The following ARHGAP39 variants were observed in gnomAD, a reference collection of about 807,000 sequenced individuals.
The protein encoded by ARHGAP39 is rho GTPase-activating protein 39.
A neutral mutation model predicts 106.9 loss-of-function variants in ARHGAP39; 44 were observed. The observed-to-expected ratio is 0.41, with a 90% CI of 0.32 to 0.53. The LOEUF (loss-of-function observed/expected upper bound fraction) is 0.53, where lower values mean the gene tolerates loss of function less well. ARHGAP39 is among the 20% of genes least tolerant of loss of function. The probability of loss-of-function intolerance (pLI) is 0.21; values close to 1 mark genes in which losing one functional copy is unlikely to be tolerated. For synonymous variants in ARHGAP39, 768 were observed against 693.2 expected (o/e 1.11, Z -1.69); for missense variants, 1,496 against 1,577.3 (o/e 0.95, Z 0.87).
At chr8:144,672,176 A>G (rs1822117635) in intron 1 of ARHGAP39, among the ~76,000 whole-genome samples, 1 of 152,248 alleles carries the variant, frequency 6.6e-6, no homozygotes. Flanking sequence ...AACAGCACCT[A>G]GAGTTTCAGA....
At chr8:144,654,972 C>T (rs1485978974) in intron 1 of ARHGAP39, among the ~76,000 whole-genome samples, 1 of 152,202 alleles carries the variant, frequency 6.6e-6, no homozygotes, top group Admixed American at 6.5e-5. Flanking sequence ...CATCCCTGCA[C>T]TCTTGGGGGC....
At chr8:144,574,137 G>A (rs1379789201) in intron 3 of ARHGAP39, among the ~76,000 whole-genome samples, 2 of 130,068 alleles carry the variant, frequency 1.5e-5, no homozygotes, top group East Asian at 4.3e-4. Flanking sequence ...CTGTACTGCA[G>A]CCTGGGTGAC....
intron 1 of ARHGAP39, among the ~76,000 whole-genome samples, chr8:144,615,029 C>T (rs533931735): frequency 8.7e-4 from 132 of 152,348 alleles, no homozygotes; most frequent in Middle Eastern, 3.4e-3. Flanking sequence ...TCACCCCTTA[C>T]GAGTCTGGAT....
intron 1 of ARHGAP39, among the ~76,000 whole-genome samples, chr8:144,649,638 C>T (rs1821528394): frequency 6.6e-6 from 1 of 151,866 alleles, no homozygotes; most frequent in African/African-American, 2.4e-5. Context: ...GGTGTGGTGG[C>T]ACACGCCTGT....
upstream of ARHGAP39, among the ~76,000 whole-genome samples, chr8:144,688,164 C>T (rs1471776777): frequency 1.3e-5 from 2 of 149,264 alleles, no homozygotes; most frequent in South Asian, 2.1e-4. Context: ...AGTACAGTGG[C>T]GCCATCTTGG....
At chr8:144,599,213 T>A (rs746931860) in intron 2 of ARHGAP39, among the ~76,000 whole-genome samples, 9 of 152,184 alleles carry the variant, frequency 5.9e-5, no homozygotes, top group Non-Finnish European at 1.2e-4. Context: ...CCCAGAATTA[T>A]ACAAGCAGAC....
rs976964784 is a variant in ARHGAP39 at position 144,684,526 on chromosome 8, G to C, written c.-82+1160C>G. Among the ~76,000 whole-genome samples, 6 of 152,360 alleles carry C rather than the reference G, an allele frequency of 3.9e-5. No individual in the cohort carries two copies. Among genetic ancestry groups the C allele is most frequent in the African/African-American group, 1.2e-4 (5 of 41,590 alleles). Reference sequence around the variant, plus strand: ...TGGTTAAACCCGTACAGCACTGAGGGGGAGGGGGCCCGGCTGCGTTTCCGA... The same window carrying C: ...TGGTTAAACCCGTACAGCACTGAGGCGGAGGGGGCCCGGCTGCGTTTCCGA... On this transcript the variant is annotated intron_variant, in intron 1 of 11. Transcript: ENST00000377307. The surrounding 1 kb of genome is among the most constrained non-coding windows in gnomAD (Gnocchi z 4.4).
Position 144,545,378 on chromosome 8 carries a change from G to T in ARHGAP39, c.2392C>A (p.Leu798Met). The T allele has an allele frequency of 6.2e-7, 1 of 1,600,434 alleles. No individual in the cohort carries two copies. ...LCRQTTENFR[L>M]ESLARGWELM... ...TCCCAGCCGCGGGCCAGGCTCTCCA[G>T]GCGGAAGTTCTCGGTGGTCTGCCGG... Residue 798 changes from leucine (L) to methionine (M), a missense_variant, in exon 6 of 12, where the codon CTG (leucine) becomes ATG (methionine). Around this residue, in one of 4 missense-constraint regions of ARHGAP39, gnomAD observed 470 missense variants for 605.1 expected, o/e 0.78. Transcript: ENST00000377307.
At chr8:144,606,877 G>T (rs2037631041) in intron 1 of ARHGAP39, among the ~76,000 whole-genome samples, 1 of 151,850 alleles carries the variant, frequency 6.6e-6, no homozygotes, top group South Asian at 2.1e-4. Context: ...AATCCTTGTG[G>T]CCTTACAGTA....
rs1014361733 is a variant in ARHGAP39, at chr8:144,645,653, A to G, written c.-81-39958T>C. On this transcript the variant is annotated intron_variant, in intron 1 of 11. Coordinates refer to ENST00000377307, the MANE Select transcript of ARHGAP39 (RefSeq NM_025251.3). The surrounding 1 kb of genome is among the most constrained non-coding windows in gnomAD (Gnocchi z 4.4). The stretch of plus-strand genomic sequence containing the variant: ...ACGTGTTAGGAATGAAAGACATGAC[A>G]TGTAAAGTGCAAACATGAGGGATTC... Among the ~76,000 whole-genome samples, 1 of 152,256 alleles carries G rather than the reference A, an allele frequency of 6.6e-6. No individual in the cohort carries two copies. Among genetic ancestry groups the G allele is most frequent in the Non-Finnish European group, 1.5e-5 (1 of 68,040 alleles).
At position 144,562,386 on chromosome 8, in the gene ARHGAP39, G is replaced by A. The variant is rs1377713740; in HGVS notation, c.513-6743C>T. Among the ~76,000 whole-genome samples, 353 of 127,366 alleles carry A rather than the reference G, an allele frequency of 2.8e-3. 9 individuals are homozygous for A. The highest frequency in any genetic ancestry group is 9.8e-3 in the African/African-American group (319 of 32,412). The allele number at this position is 127,366 out of a possible 152,430, so 83.6% of individuals were successfully genotyped here. A position where few individuals can be genotyped will look rare whatever the true frequency, so the allele number is the denominator to read the frequency against. On this transcript the variant is annotated intron_variant, in intron 3 of 11. Transcript: ENST00000377307. Reference sequence around the variant, plus strand: ...ATCGGACCCCAGTGGTTTCCATCGCGCTCCAGTGGTTTCCATCGCGCTCCA... The same window carrying A: ...ATCGGACCCCAGTGGTTTCCATCGCACTCCAGTGGTTTCCATCGCGCTCCA...
At chr8:144,608,942 C>G (rs907351991) in intron 1 of ARHGAP39, among the ~76,000 whole-genome samples, 1 of 152,096 alleles carries the variant, frequency 6.6e-6, no homozygotes, top group Non-Finnish European at 1.5e-5. Context: ...CTTATTAGTT[C>G]TAATTGTTTT....
rs867665992 is a variant in ARHGAP39 at position 144,533,204 on chromosome 8, C to A, written c.2810G>T (p.Arg937Leu). The stretch of plus-strand genomic sequence containing the variant: ...CCGTGTCTGCACCCAGGGCAGCTGG[C>A]GCTCGGGGTAGCGCTCTCTCTGCAT... ...MGMQRERYPE[R>L]QLPWVQTRLS... Residue 937 changes from arginine (R) to leucine (L), a missense_variant, in exon 9 of 12, where the codon CGC becomes CTC. Transcript: ENST00000377307. 6.2e-7 allele frequency: 1 copy of A among 1,612,618 alleles called. No individual in the cohort carries two copies. The highest frequency in any genetic ancestry group is 1.7e-5 in the Admixed American group (1 of 60,028).
intron 3 of ARHGAP39, among the ~76,000 whole-genome samples, chr8:144,577,953 C>A (rs1818835551): frequency 6.6e-6 from 1 of 152,148 alleles, no homozygotes; most frequent in African/African-American, 2.4e-5. Context: ...ACAGATCCAA[C>A]ACAATCCCCC....
chr8:144,550,312 G>A (rs1310135365), intron 4 of ARHGAP39, among the ~76,000 whole-genome samples: 2 of 151,812 alleles, frequency 1.3e-5, no homozygotes, highest in East Asian at 3.9e-4. Context: ...AGAACCCCAG[G>A]AATTTGGCCA....
At chr8:144,621,358 A>C (rs1201573024) in intron 1 of ARHGAP39, among the ~76,000 whole-genome samples, 8 of 152,386 alleles carry the variant, frequency 5.2e-5, no homozygotes, top group South Asian at 4.1e-4. Flanking sequence ...GAGGCCCTCA[A>C]ACGCAGCTTG....
In ARHGAP39 at chr8:144,532,347, G is replaced by C. The variant is rs995039915; in HGVS notation, c.2938C>G (p.Gln980Glu). The change falls in exon 10 of 12, where the codon CAG becomes GAG. Residue 980 changes from glutamine to glutamate, a missense_variant. Physicochemically the swap from Gln to Glu is conservative, Grantham distance 29 (BLOSUM62 2). Around this residue, in one of 4 missense-constraint regions of ARHGAP39, gnomAD observed 470 missense variants for 605.1 expected, o/e 0.78. Coordinates refer to ENST00000377307, the MANE Select transcript of ARHGAP39 (RefSeq NM_025251.3). Reference sequence around the variant, plus strand: ...TCCAGGCCTGTGGGCACCTTCCACTGGTCCACCTGCAGCTTCAGGGCATTC... The same window carrying C: ...TCCAGGCCTGTGGGCACCTTCCACTCGTCCACCTGCAGCTTCAGGGCATTC... ...EVNALKLQVD[Q>E]WKVPTGLEDP... 3 of 1,612,666 alleles carry C rather than the reference G, an allele frequency of 1.9e-6. No homozygotes were observed. The highest frequency in any genetic ancestry group is 2.5e-6 in the Non-Finnish European group (3 of 1,179,712).
intron 2 of ARHGAP39, among the ~76,000 whole-genome samples, chr8:144,601,573 T>C (rs1819949696): frequency 6.8e-6 from 1 of 146,536 alleles, no homozygotes; most frequent in South Asian, 2.2e-4. Flanking sequence ...TGTACCTGTG[T>C]GCATGTGCGT....
At chr8:144,553,639 A>T (rs1564844431) in intron 4 of ARHGAP39, among the ~76,000 whole-genome samples, 1 of 152,244 alleles carries the variant, frequency 6.6e-6, no homozygotes, top group Non-Finnish European at 1.5e-5. Context: ...CCTCTGTCCC[A>T]AGGTCTCAGC....
Sources: allele counts gnomAD v4.1 joint callset (sites outside exome capture counted in the v4.1 genomes callset), GRCh38; gene constraint gnomAD v4.1.1; regional missense constraint gnomAD v4.1.1; non-coding constraint Gnocchi (gnomAD v3.1); transcripts MANE v1.5; gene names NCBI Gene and HGNC (gene_info 2026-07-23, HGNC 2026-07-21).